DPYD: variants seen among roughly 807,000 people sequenced by gnomAD.
The protein encoded by DPYD is dihydropyrimidine dehydrogenase [NADP(+)].
Under a neutral mutation model 116.2 loss-of-function variants are expected in DPYD, and 109 were observed. The observed-to-expected ratio is 0.94, with a 90% confidence interval of 0.80 to 1.10. DPYD has a LOEUF of 1.10. DPYD is among the 50% of genes least tolerant of loss of function. The pLI is 0.00. For missense variants in DPYD, 1,302 were observed against 1,254.5 expected (o/e 1.04, Z -0.57); for synonymous variants, 440 against 432.0 (o/e 1.02, Z -0.23).
chr1:97,403,012 C>T (rs777438453), intron 14 of DPYD, among the ~76,000 whole-genome samples: 16 of 151,968 alleles, frequency 1.1e-4, no homozygotes, highest in Non-Finnish European at 1.9e-4. Context: ...GTTGAATTTG[C>T]TAATATTTTG....
intron 8 of DPYD, among the ~76,000 whole-genome samples, chr1:97,607,934 C>T (rs1285473512): frequency 2.6e-5 from 4 of 151,654 alleles, no homozygotes; most frequent in African/African-American, 4.8e-5. Context: ...ATAATATAAA[C>T]AAAAAAGATT....
intron 2 of DPYD, among the ~76,000 whole-genome samples, chr1:97,835,717 T>C (rs545139955): frequency 6.6e-6 from 1 of 152,276 alleles, no homozygotes; most frequent in Admixed American, 6.5e-5. Flanking sequence ...GATAATCAAA[T>C]GAAACACAGT....
In DPYD at chr1:97,234,838, A is replaced by C; in HGVS notation, c.2442+14T>G. The C allele has an allele frequency of 6.2e-7, 1 of 1,613,778 alleles. No individual in the cohort carries two copies. Among genetic ancestry groups the C allele is most frequent in the Non-Finnish European group, 8.5e-7 (1 of 1,179,918 alleles). On this transcript the variant is annotated intron_variant, in intron 19 of 22. Coordinates refer to ENST00000370192, the MANE Select transcript of DPYD (RefSeq NM_000110.4). Reference sequence around the variant, plus strand: ...TGGAGATTTTTAAAAGGGACAGACAAACACAATGACTACCTGGAGGACGGA... The same window carrying C: ...TGGAGATTTTTAAAAGGGACAGACACACACAATGACTACCTGGAGGACGGA...
chr1:97,129,009 C>T (rs1301163633), intron 20 of DPYD, among the ~76,000 whole-genome samples: 1 of 151,884 alleles, frequency 6.6e-6, no homozygotes, highest in East Asian at 1.9e-4. Context: ...CCTTACAGAG[C>T]TTATCTGTAG....
Position 97,373,660 on chromosome 1 carries a change from G to GA in DPYD, c.1975-17dup, listed in dbSNP as rs763022131. 1.4e-5 allele frequency: 23 copies of GA among 1,607,990 alleles called. No homozygotes were observed. Among genetic ancestry groups the GA allele is most frequent in the Non-Finnish European group, 1.7e-5 (20 of 1,174,810 alleles). ...CTCCAGAATCCTTTAAACAAGAAAG[G>GA]AAAATGAAAGAAAAGGCAAAGCTTT... On this transcript the variant is annotated splice_polypyrimidine_tract_variant and intron_variant, in intron 15 of 22. Transcript: ENST00000370192.
chr1:97,122,161 T>G (rs1352926202), intron 20 of DPYD, among the ~76,000 whole-genome samples: 2 of 152,152 alleles, frequency 1.3e-5, no homozygotes, highest in Admixed American at 6.6e-5. Flanking sequence ...CTACTTCCTT[T>G]GTAGATGTTT....
At chr1:97,830,714 A>G (rs1044740410) in intron 2 of DPYD, among the ~76,000 whole-genome samples, 2 of 152,032 alleles carry the variant, frequency 1.3e-5, no homozygotes, top group Non-Finnish European at 2.9e-5. Flanking sequence ...TCTCAAAAAA[A>G]AAAAAAAAGA....
At chr1:97,725,240 T>C (rs1663180553) in intron 4 of DPYD, among the ~76,000 whole-genome samples, 1 of 151,626 alleles carries the variant, frequency 6.6e-6, no homozygotes, top group East Asian at 1.9e-4. Context: ...ACTATATGTA[T>C]TAAAAACTGT....
At chr1:97,888,452 C>T (rs960020588) in intron 1 of DPYD, among the ~76,000 whole-genome samples, 1 of 151,644 alleles carries the variant, frequency 6.6e-6, no homozygotes, top group Non-Finnish European at 1.5e-5. Flanking sequence ...AGAAGTTACA[C>T]TGGCTTAAAA....
intron 1 of DPYD, among the ~76,000 whole-genome samples, chr1:97,908,615 C>G (rs76831591): frequency 0.027 from 4,078 of 152,140 alleles, 116 homozygotes; most frequent in Admixed American, 0.091. Flanking sequence ...TCTTCCACCC[C>G]ACTGCAGCCA....
chr1:97,489,081 T>A lies in DPYD; in HGVS notation c.1740+26645A>T, dbSNP rs563540956. Among the ~76,000 whole-genome samples, 287 of 152,322 alleles carry A rather than the reference T, an allele frequency of 1.9e-3. 2 individuals are homozygous for A. Among genetic ancestry groups the A allele is most frequent in the Non-Finnish European group, 3.4e-3 (234 of 68,014 alleles). The stretch of plus-strand genomic sequence containing the variant: ...AATTTGGGGGCTTGCCTGACCTGCA[T>A]CATCACCACTATTTGAGTACAAAAA... On this transcript the variant is annotated intron_variant, in intron 13 of 22. Transcript: ENST00000370192.
intron 12 of DPYD, among the ~76,000 whole-genome samples, chr1:97,536,392 T>C (rs776305266): frequency 2.0e-5 from 3 of 152,232 alleles, no homozygotes; most frequent in Non-Finnish European, 4.4e-5. Context: ...GTTTGCAACA[T>C]ATCTTAAACT....
chr1:97,898,368 A>G (rs1202351669), intron 1 of DPYD, among the ~76,000 whole-genome samples: 1 of 151,692 alleles, frequency 6.6e-6, no homozygotes, highest in Non-Finnish European at 1.5e-5. Flanking sequence ...GTCTCCCTAG[A>G]CTTTCAGCTC....
At chr1:97,621,652 A>C (rs775503180) in intron 8 of DPYD, among the ~76,000 whole-genome samples, 7 of 152,110 alleles carry the variant, frequency 4.6e-5, no homozygotes, top group Admixed American at 6.6e-5. Context: ...TCACAGTAGC[A>C]ATGAGCACAC....
In DPYD at chr1:97,520,242, A is replaced by G. The variant is rs182958114; in HGVS notation, c.1525-4301T>C. The stretch of plus-strand genomic sequence containing the variant: ...ATTTATATGCAAAAAAATACAAATA[A>G]ATCTACCACCTACCACCAAATAAAC... On this transcript the variant is annotated intron_variant, in intron 12 of 22. Transcript: ENST00000370192. Among the ~76,000 whole-genome samples, 164 of 152,262 alleles carry G rather than the reference A, an allele frequency of 1.1e-3. 1 individual carries two copies. The Middle Eastern group carries it at 0.02, about 19-fold the overall frequency.
intron 12 of DPYD, among the ~76,000 whole-genome samples, chr1:97,527,000 A>G (rs1328138866): frequency 6.6e-6 from 1 of 152,136 alleles, no homozygotes; most frequent in African/African-American, 2.4e-5. Context: ...TGCTTGTCCA[A>G]AGATTAATAA....
chr1:97,339,065 GA>G (rs1399361471), intron 16 of DPYD, among the ~76,000 whole-genome samples: 1 of 151,310 alleles, frequency 6.6e-6, no homozygotes, highest in Non-Finnish European at 1.5e-5. Context: ...TCAAAGAGAG[GA>G]GGTAAAAAAA....
At chr1:97,474,064 A>G (rs2101860686) in intron 13 of DPYD, among the ~76,000 whole-genome samples, 1 of 152,006 alleles carries the variant, frequency 6.6e-6, no homozygotes, top group Middle Eastern at 3.4e-3. Flanking sequence ...ACACAGTATA[A>G]AAGTTTCTCA....
chr1:97,162,848 T>C (rs1247382913), intron 20 of DPYD, among the ~76,000 whole-genome samples: 2 of 151,518 alleles, frequency 1.3e-5, no homozygotes, highest in African/African-American at 4.8e-5. Flanking sequence ...CTATCTGATC[T>C]TTGACAAACC....
Sources: gnomAD v4.1 joint callset for allele counts (sites outside exome capture counted in the v4.1 genomes callset) on GRCh38, gnomAD v4.1.1 for gene constraint, MANE v1.5 for transcripts, NCBI Gene and HGNC (gene_info 2026-07-23, HGNC 2026-07-21) for gene names.